XIRP2: variants seen among roughly 807,000 people sequenced by gnomAD.
The protein encoded by XIRP2 is xin actin-binding repeat-containing protein 2.
Under a neutral mutation model 277.0 loss-of-function variants are expected in XIRP2, and 236 were observed. That is an observed-to-expected ratio of 0.85 (90% CI 0.77 to 0.95). The LOEUF (loss-of-function observed/expected upper bound fraction) is 0.95, where lower values mean the gene tolerates loss of function less well. XIRP2 is among the 40% of genes least tolerant of loss of function. XIRP2 has a pLI of 0.00. For missense variants in XIRP2, 4,640 were observed against 4,157.5 expected (o/e 1.12, Z -3.19); for synonymous variants, 1,490 against 1,416.5 (o/e 1.05, Z -1.17).
In XIRP2 at chr2:167,243,448, G is replaced by T. The variant is rs929632931; in HGVS notation, c.2056G>T (p.Gly686Trp). Residue 686 changes from glycine to tryptophan, a missense_variant, in exon 9 of 11, where the codon GGG becomes TGG. Transcript: ENST00000409195. ...GGTAACTATCAGTAAGGACATAACT[G>T]GGGGGGATGTCAAGACTGTGAGATA... Reference protein sequence around the residue: ...SAVTISKDITGGDVKTVRYMF... With the variant: ...SAVTISKDITWGDVKTVRYMF... The T allele has an allele frequency of 3.7e-6, 6 of 1,613,736 alleles. No individual in the cohort carries two copies. The highest frequency in any genetic ancestry group is 3.3e-5 in the South Asian group (3 of 91,062).
chr2:167,184,043 C>G (rs1431792101), intron 3 of XIRP2, among the ~76,000 whole-genome samples: 1 of 152,138 alleles, frequency 6.6e-6, no homozygotes, highest in East Asian at 1.9e-4. Flanking sequence ...TAGCCTCACA[C>G]CATGCGAAGC....
At chr2:167,005,383 A>C (rs1687479407) in intron 2 of XIRP2, among the ~76,000 whole-genome samples, 2 of 151,880 alleles carry the variant, frequency 1.3e-5, no homozygotes, top group South Asian at 4.1e-4. Context: ...GCTGGAGGGA[A>C]CCTTCTAGAC....
intron 3 of XIRP2, among the ~76,000 whole-genome samples, chr2:167,151,097 A>G (rs937461081): frequency 2.6e-5 from 4 of 152,094 alleles, no homozygotes; most frequent in Non-Finnish European, 5.9e-5. Context: ...AGCAAAGTCT[A>G]GATTCTTCTA....
intron 2 of XIRP2, among the ~76,000 whole-genome samples, chr2:167,132,692 A>G (rs1691418411): frequency 6.6e-6 from 1 of 151,970 alleles, no homozygotes; most frequent in African/African-American, 2.4e-5. Flanking sequence ...CACCTACTCT[A>G]TCCTCTGTCC....
At chr2:167,083,279 C>A (rs1000929081) in intron 2 of XIRP2, among the ~76,000 whole-genome samples, 10 of 152,236 alleles carry the variant, frequency 6.6e-5, no homozygotes, top group Admixed American at 4.6e-4. Context: ...TTTCTGAGGG[C>A]TCTGTTCTGT....
In XIRP2 at chr2:167,195,678, G is replaced by C. The variant is rs561148347; in HGVS notation, c.563-15057G>C. Among the ~76,000 whole-genome samples, 4 of 152,272 alleles carry C rather than the reference G, an allele frequency of 2.6e-5. No homozygotes were observed. In the South Asian group the frequency reaches 6.2e-4, roughly 24 times the overall value. Reference sequence around the variant, plus strand: ...GGGCAAAGAGAACCCAATAGTTGAAGAGGAAGCAAAAAAATCACAAGCCAG... The same window carrying C: ...GGGCAAAGAGAACCCAATAGTTGAACAGGAAGCAAAAAAATCACAAGCCAG... On this transcript the variant is annotated intron_variant, in intron 3 of 10. Coordinates refer to ENST00000409195, the MANE Select transcript of XIRP2 (RefSeq NM_152381.6).
intron 2 of XIRP2, among the ~76,000 whole-genome samples, chr2:167,093,274 T>TTA (rs143899442): frequency 0.08 from 12,053 of 150,416 alleles, 898 homozygotes; most frequent in African/African-American, 0.19. Context: ...GTATGTTTGA[T>TTA]TATATATATA....
rs556905481 is a variant in XIRP2, at chr2:167,231,561, G to T, written c.859-8294G>T. ...ATAATATTTCTTAGGAAGGCTAATGGACAGTTTTCTTTTTTTTTTTACATC... is the reference window on the plus strand; with the variant it reads ...ATAATATTTCTTAGGAAGGCTAATGTACAGTTTTCTTTTTTTTTTTACATC... On this transcript the variant is annotated intron_variant, in intron 5 of 10. Coordinates refer to ENST00000409195, the MANE Select transcript of XIRP2 (RefSeq NM_152381.6). 8.0e-4 allele frequency among the ~76,000 whole-genome samples: 121 copies of T among 151,858 alleles called. 1 individual carries two copies. The highest frequency in any genetic ancestry group is 7.1e-3 in the South Asian group (34 of 4,812).
At chr2:166,978,674 T>C (rs1025494499) in intron 2 of XIRP2, among the ~76,000 whole-genome samples, 14 of 152,314 alleles carry the variant, frequency 9.2e-5, no homozygotes, top group South Asian at 6.2e-4. Context: ...ACTTATTTCC[T>C]GTTTGTATAT....
intron 5 of XIRP2, among the ~76,000 whole-genome samples, chr2:167,228,281 G>A (rs1694663354): frequency 6.6e-6 from 1 of 152,164 alleles, no homozygotes; most frequent in African/African-American, 2.4e-5. Context: ...TTCAGTCACA[G>A]TCCCTTTGCA....
chr2:167,022,366 T>A (rs1297015437), intron 2 of XIRP2, among the ~76,000 whole-genome samples: 3 of 152,126 alleles, frequency 2.0e-5, no homozygotes, highest in Admixed American at 2.0e-4. Context: ...ATTTTCTAAA[T>A]GTTGTTGGAT....
chr2:167,032,833 TA>T (rs1422812439), intron 2 of XIRP2, among the ~76,000 whole-genome samples: 5 of 152,190 alleles, frequency 3.3e-5, no homozygotes, highest in Non-Finnish European at 5.9e-5. Flanking sequence ...GGAATGCTTT[TA>T]CACTGTGGGT....
chr2:167,155,694 G>A (rs2105335702), intron 3 of XIRP2, among the ~76,000 whole-genome samples: 1 of 151,898 alleles, frequency 6.6e-6, no homozygotes, highest in East Asian at 1.9e-4. Context: ...CACAAGACAG[G>A]GATGCCCTCT....
chr2:167,033,154 G>C (rs1216222790), intron 2 of XIRP2, among the ~76,000 whole-genome samples: 1 of 152,100 alleles, frequency 6.6e-6, no homozygotes, highest in Admixed American at 6.6e-5. Flanking sequence ...CATGGATGAA[G>C]CTGGAAAGCA....
intron 9 of XIRP2, 118 bp downstream of exon 9, chr2:167,252,065 A>C: frequency 7.0e-7 from 1 of 1,428,136 alleles, no homozygotes. Context: ...ATAACCTAAA[A>C]CTAACAGCTT....
At position 167,222,973 on chromosome 2, in the gene XIRP2, T is replaced by G. The variant is rs547545243; in HGVS notation, c.858+4673T>G. Among the ~76,000 whole-genome samples the G allele has an allele frequency of 2.0e-5, 3 of 152,298 alleles. No individual in the cohort carries two copies. In the East Asian group the frequency reaches 5.8e-4, roughly 29 times the overall value. ...ATGATTGTTTAGAATATTTACAGAGTTGTGCAGGGTCACCACAATCTAATT... is the reference window on the plus strand; with the variant it reads ...ATGATTGTTTAGAATATTTACAGAGGTGTGCAGGGTCACCACAATCTAATT... On this transcript the variant is annotated intron_variant, in intron 5 of 10. Coordinates refer to ENST00000409195, the MANE Select transcript of XIRP2 (RefSeq NM_152381.6).
intron 2 of XIRP2, among the ~76,000 whole-genome samples, chr2:166,938,334 G>T (rs1280746542): frequency 6.6e-6 from 1 of 152,146 alleles, no homozygotes; most frequent in African/African-American, 2.4e-5. Flanking sequence ...CTTTATTTCT[G>T]CCTTCATTTC....
chr2:166,961,815 CT>C (rs201180401), intron 2 of XIRP2, among the ~76,000 whole-genome samples: 6 of 150,822 alleles, frequency 4.0e-5, no homozygotes, highest in Admixed American at 1.3e-4. Context: ...TTCAACTTTA[CT>C]TTTTTTTTGG....
intron 2 of XIRP2, among the ~76,000 whole-genome samples, chr2:167,003,556 A>C (rs1687426205): frequency 6.6e-6 from 1 of 151,826 alleles, no homozygotes; most frequent in African/African-American, 2.4e-5. Context: ...GTGAAGAAGT[A>C]TGAAAGATTT....
Sources: gnomAD v4.1 joint callset for allele counts (sites outside exome capture counted in the v4.1 genomes callset) on GRCh38, gnomAD v4.1.1 for gene constraint, MANE v1.5 for transcripts, NCBI Gene and HGNC (gene_info 2026-07-23, HGNC 2026-07-21) for gene names.